Variants in PCDHGA8 observed in about 807,000 individuals in gnomAD.
The protein encoded by PCDHGA8 is protocadherin gamma-A8.
Under a neutral mutation model 59.2 loss-of-function variants are expected in PCDHGA8, and 45 were observed. That is an observed-to-expected ratio of 0.76 (90% CI 0.60 to 0.98). The LOEUF (loss-of-function observed/expected upper bound fraction) is 0.98, where lower values mean the gene tolerates loss of function less well. Among genes scored for constraint, PCDHGA8 ranks in the 50% least tolerant of loss-of-function variants. The pLI is 0.00. For missense variants in PCDHGA8, 1,257 were observed against 1,196.2 expected (o/e 1.05, Z -0.75); for synonymous variants, 531 against 519.0 (o/e 1.02, Z -0.32).
At chr5:141,478,629 T>A in intron 1 of PCDHGA8, 1 of 1,553,688 alleles carries the variant, frequency 6.4e-7, no homozygotes, top group Non-Finnish European at 8.7e-7. Context: ...AGCTGTTTTT[T>A]TAGTGATGAA....
chr5:141,503,222 G>T (rs540244346), intron 2 of PCDHGA8, among the ~76,000 whole-genome samples: 1 of 152,120 alleles, frequency 6.6e-6, no homozygotes, highest in East Asian at 1.9e-4. Context: ...CATGAGCACC[G>T]TAAAGATGGA....
chr5:141,405,599 A>G, intron 1 of PCDHGA8: 2 of 575,638 alleles, frequency 3.5e-6, no homozygotes, highest in South Asian at 4.5e-5. Flanking sequence ...CCTCCCAAGT[A>G]GAATAACTGG....
chr5:141,496,160 G>C (rs1428576442), intron 2 of PCDHGA8, among the ~76,000 whole-genome samples: 2 of 151,600 alleles, frequency 1.3e-5, no homozygotes, highest in Admixed American at 6.6e-5. Flanking sequence ...CTCTCCACCA[G>C]ACACCCTCCC....
intron 2 of PCDHGA8, among the ~76,000 whole-genome samples, chr5:141,505,066 G>A (rs1312509903): frequency 6.6e-6 from 1 of 152,190 alleles, no homozygotes; most frequent in Non-Finnish European, 1.5e-5. Flanking sequence ...GGAGACTGAG[G>A]CAGGAGAATC....
Position 141,489,084 on chromosome 5 carries a change from C to CCG in PCDHGA8, c.2425-5723_2425-5722insCG. On this transcript the variant is annotated intron_variant, in intron 1 of 3. Coordinates refer to ENST00000398604, the MANE Select transcript of PCDHGA8 (RefSeq NM_032088.2). The surrounding 1 kb of genome is among the most constrained non-coding windows in gnomAD (Gnocchi z 4.5). ...CTCCCCCCTGCCCACCCCCGCCACT[C>CCG]GGTGACTAAGAACTGCTGCAAGCAG... 9.1e-6 allele frequency: 3 copies of CCG among 329,130 alleles called. No individual in the cohort carries two copies. The highest frequency in any genetic ancestry group is 5.4e-6 in the Non-Finnish European group (1 of 186,464). The allele number at this position is 329,130 out of a possible 1,614,324, so 20.4% of individuals were successfully genotyped here. A position where few individuals can be genotyped will look rare whatever the true frequency, so the allele number is the denominator to read the frequency against.
At chr5:141,410,086 G>T in intron 1 of PCDHGA8, 1 of 1,612,588 alleles carries the variant, frequency 6.2e-7, no homozygotes, top group Non-Finnish European at 8.5e-7. Flanking sequence ...AGGTGCGCAC[G>T]GCTCGAGCCT....
chr5:141,408,597 A>G (rs1389452276), intron 1 of PCDHGA8: 1 of 1,614,042 alleles, frequency 6.2e-7, no homozygotes, highest in Non-Finnish European at 8.5e-7. Context: ...CACGCCCCTC[A>G]ATTTGATAAA....
rs146748846 is a variant in PCDHGA8 at position 141,452,937 on chromosome 5, G to C, written c.2425-41870G>C. 4.0e-4 allele frequency among the ~76,000 whole-genome samples: 61 copies of C among 152,254 alleles called. No individual in the cohort carries two copies. The East Asian group carries it at 0.01, about 26-fold the overall frequency. On this transcript the variant is annotated intron_variant, in intron 1 of 3. Coordinates refer to ENST00000398604, the MANE Select transcript of PCDHGA8 (RefSeq NM_032088.2). The stretch of plus-strand genomic sequence containing the variant: ...AGTAAGAAAGAGCTGCTGAAGATTT[G>C]CTTGCAATTGGTTGTCTTTAAACTG...
rs1036281905 is a variant in PCDHGA8 at position 141,493,555 on chromosome 5, T to A, written c.2425-1252T>A. Among the ~76,000 whole-genome samples, 3 of 152,012 alleles carry A rather than the reference T, an allele frequency of 2.0e-5. No individual in the cohort carries two copies. ...GCCAGTTATCCTTTTGGAGATTGAG[T>A]TCCCCCAGCTCCGTTTCCTCCTATC... On this transcript the variant is annotated intron_variant, in intron 1 of 3. Transcript: ENST00000398604. The surrounding 1 kb of genome is among the most constrained non-coding windows in gnomAD (Gnocchi z 4.3).
In PCDHGA8 at chr5:141,432,601, G is replaced by A. The variant is rs1313279772; in HGVS notation, c.2424+37364G>A. The A allele has an allele frequency of 5.6e-6, 9 of 1,613,950 alleles. No homozygotes were observed. Among genetic ancestry groups the A allele is most frequent in the Admixed American group, 1.7e-5 (1 of 60,030 alleles). On this transcript the variant is annotated intron_variant, in intron 1 of 3. Transcript: ENST00000398604. The surrounding 1 kb of genome is among the most constrained non-coding windows in gnomAD (Gnocchi z 6.0). ...ACCGTCTGCTCAAGGCCAGCGAGCC[G>A]GGACTCTTCTCGGTGGGTCTGCACA...
At chr5:141,426,946 C>T (rs565370434) in intron 1 of PCDHGA8, 5 of 456,668 alleles carry the variant, frequency 1.1e-5, no homozygotes, top group Non-Finnish European at 2.2e-5. Context: ...CCAGTCCCAA[C>T]TGGCACTGCT....
chr5:141,414,533 C>T, intron 1 of PCDHGA8: 1 of 1,613,960 alleles, frequency 6.2e-7, no homozygotes, highest in Non-Finnish European at 8.5e-7. Flanking sequence ...AATGACAACC[C>T]ACCTACCTTC....
Position 141,394,674 on chromosome 5 carries a change from C to A in PCDHGA8, c.1861C>A (p.Leu621Met), listed in dbSNP as rs1236446796. ...CGAGCCGGGACTCTTCTCGGTGGGT[C>A]TGCACACGGGCGAGGTGCGCACGGC... ...ASEPGLFSVG[L>M]HTGEVRTARA... Residue 621 changes from leucine to methionine, a missense_variant, in exon 1 of 4, where the codon CTG (leucine) becomes ATG (methionine). Coordinates refer to ENST00000398604, the MANE Select transcript of PCDHGA8 (RefSeq NM_032088.2). 5.0e-6 allele frequency: 8 copies of A among 1,612,640 alleles called. No homozygotes were observed. The highest frequency in any genetic ancestry group is 6.8e-6 in the Non-Finnish European group (8 of 1,179,760).
intron 1 of PCDHGA8, among the ~76,000 whole-genome samples, chr5:141,464,301 T>A (rs1237581605): frequency 6.6e-6 from 1 of 150,782 alleles, no homozygotes; most frequent in Non-Finnish European, 1.5e-5. Flanking sequence ...CTCCATTGTA[T>A]GTGCACATAT....
At chr5:141,504,147 T>C (rs2099836026) in intron 2 of PCDHGA8, among the ~76,000 whole-genome samples, 1 of 152,198 alleles carries the variant, frequency 6.6e-6, no homozygotes, top group South Asian at 2.1e-4. Flanking sequence ...CCCCTGCAAA[T>C]TGAAATAATT....
chr5:141,478,382 C>A (rs1287807889), intron 1 of PCDHGA8: 2 of 1,613,552 alleles, frequency 1.2e-6, no homozygotes, highest in South Asian at 2.2e-5. Flanking sequence ...GTCGCCGCAC[C>A]TTTACCATCA....
intron 1 of PCDHGA8, among the ~76,000 whole-genome samples, chr5:141,479,036 G>C (rs1202411463): frequency 1.3e-5 from 2 of 152,012 alleles, no homozygotes; most frequent in Non-Finnish European, 2.9e-5. Flanking sequence ...TATACAGATC[G>C]TGTACCTCAT....
At chr5:141,478,794 G>A in intron 1 of PCDHGA8, 1 of 1,468,126 alleles carries the variant, frequency 6.8e-7, no homozygotes, top group Non-Finnish European at 9.0e-7. Flanking sequence ...CACATCCTCA[G>A]CACTCTTTTG....
intron 1 of PCDHGA8, chr5:141,397,922 G>A: frequency 1.4e-6 from 1 of 731,582 alleles, no homozygotes; most frequent in Non-Finnish European, 2.2e-6. Flanking sequence ...AGATCTCCTC[G>A]CGCAGCCGCA....
Sources: gnomAD v4.1 joint callset for allele counts (sites outside exome capture counted in the v4.1 genomes callset) on GRCh38, gnomAD v4.1.1 for gene constraint, Gnocchi (gnomAD v3.1) non-coding constraint, MANE v1.5 for transcripts, NCBI Gene and HGNC (gene_info 2026-07-23, HGNC 2026-07-21) for gene names.